Variants in DPP6 observed in about 807,000 individuals in gnomAD.
The protein encoded by DPP6 is dipeptidyl peptidase like 6.
DPP6 carries 69 observed loss-of-function variants against 122.6 expected under a neutral mutation model. The observed-to-expected ratio is 0.56, with a 90% CI of 0.46 to 0.69. The LOEUF is 0.69. Ranked by LOEUF, DPP6 falls within the 30% of genes least tolerant of loss-of-function variation. The pLI, the probability that DPP6 is intolerant of heterozygous loss-of-function variation, is 0.00. For synonymous variants in DPP6, 418 were observed against 433.1 expected (o/e 0.97, Z 0.43); for missense variants, 928 against 1,116.9 (o/e 0.83, Z 2.41).
rs148213903 is a variant in DPP6 at position 154,854,981 on chromosome 7, C to G, written c.1714+1154C>G. Among the ~76,000 whole-genome samples, 347 of 152,194 alleles carry G rather than the reference C, an allele frequency of 2.3e-3. 1 individual carries two copies. In the Middle Eastern group the frequency reaches 0.024, roughly 10 times the overall value. On this transcript the variant is annotated intron_variant, in intron 17 of 25. Transcript: ENST00000377770. ...AACTTCATGGCCCGGGTCCGCAGTT[C>G]CCCTAGGTCTGGGGACAGAGGTGAC... is the stretch of plus-strand genomic sequence containing the variant.
intron 2 of DPP6, among the ~76,000 whole-genome samples, chr7:154,473,225 A>T (rs1047876774): frequency 3.3e-5 from 5 of 152,212 alleles, no homozygotes; most frequent in Admixed American, 6.5e-5. Flanking sequence ...AGTAATTTTT[A>T]AAATTCTCAT....
chr7:154,871,706 C>G (rs58644865), intron 18 of DPP6, among the ~76,000 whole-genome samples: 1 of 152,170 alleles, frequency 6.6e-6, no homozygotes, highest in South Asian at 2.1e-4. Flanking sequence ...ACATTCAGCC[C>G]GAATCAGTAA....
chr7:154,863,125 C>G lies in DPP6; in HGVS notation c.1715-4870C>G, dbSNP rs1184262131. Reference sequence around the variant, plus strand: ...CTATGTTGCCCAGGCTGGTCTCGGACTCCTGGACTCAAGTGATCCTCCTCC... The same window carrying G: ...CTATGTTGCCCAGGCTGGTCTCGGAGTCCTGGACTCAAGTGATCCTCCTCC... On this transcript the variant is annotated intron_variant, in intron 17 of 25. Transcript: ENST00000377770. This position sits in a 1 kb window ranked among gnomAD's most constrained non-coding sequence, Gnocchi z 4.1. 6.6e-6 allele frequency among the ~76,000 whole-genome samples: 1 copy of G among 152,138 alleles called. No homozygotes were observed. The highest frequency in any genetic ancestry group is 6.5e-5 in the Admixed American group (1 of 15,280).
intron 1 of DPP6, among the ~76,000 whole-genome samples, chr7:154,319,682 T>TGA (rs1467414118): frequency 7.0e-6 from 1 of 143,730 alleles, no homozygotes; most frequent in Non-Finnish European, 1.5e-5. Flanking sequence ...GCAATAGGAG[T>TGA]GAGACTTTGT....
At chr7:154,369,159 G>A (rs1378349789) in intron 1 of DPP6, among the ~76,000 whole-genome samples, 2 of 152,098 alleles carry the variant, frequency 1.3e-5, no homozygotes, top group African/African-American at 4.8e-5. Context: ...GCAATGGCCC[G>A]ATCTCTGCCC....
At chr7:154,280,586 A>G (rs1326086907) in intron 1 of DPP6, among the ~76,000 whole-genome samples, 2 of 140,106 alleles carry the variant, frequency 1.4e-5, no homozygotes, top group African/African-American at 5.0e-5. Context: ...AAATATGACT[A>G]TTAATAATTA....
intron 3 of DPP6, among the ~76,000 whole-genome samples, chr7:154,499,387 G>A (rs1825030234): frequency 6.6e-6 from 1 of 152,208 alleles, no homozygotes; most frequent in East Asian, 1.9e-4. Context: ...AAAGAAACTG[G>A]GCTCCTGTTC....
At chr7:153,825,401 T>G in the DPP6 span, among the ~76,000 whole-genome samples, 18 of 152,204 alleles carry the variant, frequency 1.2e-4, no homozygotes, top group South Asian at 3.7e-3. Flanking sequence ...CCAGAGATTC[T>G]CAGGCTGCTA....
At chr7:154,335,725 C>A (rs538352746) in intron 1 of DPP6, among the ~76,000 whole-genome samples, 9 of 152,034 alleles carry the variant, frequency 5.9e-5, no homozygotes, top group Non-Finnish European at 2.9e-5. Context: ...GTGACTGATG[C>A]GCTGTGTTCT....
intron 7 of DPP6, among the ~76,000 whole-genome samples, chr7:154,696,784 C>G (rs558911653): frequency 6.6e-6 from 1 of 152,232 alleles, no homozygotes; most frequent in Non-Finnish European, 1.5e-5. Flanking sequence ...TAATGAGAAC[C>G]TCCTGGTCAG....
chr7:154,582,175 A>G (rs11770433), intron 5 of DPP6, among the ~76,000 whole-genome samples: 1 of 151,984 alleles, frequency 6.6e-6, no homozygotes, highest in African/African-American at 2.4e-5. Context: ...TTGGTAATCA[A>G]AGGTTTCATT....
chr7:154,502,667 C>T (rs1426170034), intron 3 of DPP6, among the ~76,000 whole-genome samples: 1 of 152,028 alleles, frequency 6.6e-6, no homozygotes, highest in Non-Finnish European at 1.5e-5. Flanking sequence ...TGCCCAGTCT[C>T]GAGTATGTCT....
intron 5 of DPP6, among the ~76,000 whole-genome samples, chr7:154,581,159 G>A (rs980251976): frequency 6.6e-6 from 1 of 152,162 alleles, no homozygotes; most frequent in African/African-American, 2.4e-5. Flanking sequence ...TGCAGAGCAG[G>A]AATAAGGGAC....
At chr7:154,614,559 AC>A (rs931295922) in intron 5 of DPP6, among the ~76,000 whole-genome samples, 22 of 151,852 alleles carry the variant, frequency 1.4e-4, no homozygotes, top group Non-Finnish European at 4.4e-5. Flanking sequence ...AAGTTATCTC[AC>A]CTTTGCTTGA....
intron 7 of DPP6, among the ~76,000 whole-genome samples, chr7:154,678,899 ATAATC>A (rs1377174534): frequency 6.6e-6 from 1 of 152,226 alleles, no homozygotes; most frequent in Non-Finnish European, 1.5e-5. Flanking sequence ...GGAGAGTAAA[ATAATC>A]TACTCGAAGT....
rs568056543 is a variant in DPP6 at position 153,940,677 on chromosome 7, TG to T, written c.51+52944del. ...GACTCTGATGATTCATGTTGACATGTGTTAAATGCCAGAGGTGAAGACTTTG... is the reference window on the plus strand; with the variant it reads ...GACTCTGATGATTCATGTTGACATGTTTAAATGCCAGAGGTGAAGACTTTG... On this transcript the variant is annotated intron_variant, in intron 1 of 25. Transcript: ENST00000404039. 2.2e-3 allele frequency among the ~76,000 whole-genome samples: 330 copies of T among 152,206 alleles called. 7 individuals carry two copies. Among genetic ancestry groups the T allele is most frequent in the Admixed American group, 0.02 (308 of 15,284 alleles).
chr7:154,888,475 C>T (rs903845520), intron 23 of DPP6, among the ~76,000 whole-genome samples: 1 of 152,192 alleles, frequency 6.6e-6, no homozygotes, highest in African/African-American at 2.4e-5. Flanking sequence ...AGCTGTCAGA[C>T]ACGGCATTTC....
chr7:154,083,396 C>A (rs7357098), intron 1 of DPP6, among the ~76,000 whole-genome samples: 1,625 of 152,040 alleles, frequency 0.011, 18 homozygotes, highest in African/African-American at 0.038. Context: ...CTTCAGGTAC[C>A]AGGAAGTGAA....
At chr7:154,105,428 G>C (rs1008466402) in intron 1 of DPP6, among the ~76,000 whole-genome samples, 1 of 152,166 alleles carries the variant, frequency 6.6e-6, no homozygotes, top group Admixed American at 6.5e-5. Flanking sequence ...CCAGAGCCTT[G>C]GCTGCAAATA....
Sources: allele counts gnomAD v4.1 joint callset (sites outside exome capture counted in the v4.1 genomes callset), GRCh38; gene constraint gnomAD v4.1.1; non-coding constraint Gnocchi (gnomAD v3.1); transcripts MANE v1.5; gene names NCBI Gene and HGNC (gene_info 2026-07-23, HGNC 2026-07-21).